TMPRSS15: variants seen among roughly 807,000 people sequenced by gnomAD.
TMPRSS15 encodes transmembrane serine protease 15.
A neutral mutation model predicts 125.3 loss-of-function variants in TMPRSS15; 128 were observed. The ratio of observed to expected loss-of-function variants is 1.02; its 90% confidence interval spans 0.89 to 1.18. The LOEUF is 1.18. Ranked by LOEUF, TMPRSS15 falls within the 50% of genes most tolerant of loss-of-function variation. The probability of loss-of-function intolerance (pLI) is 0.00; values close to 1 mark genes in which losing one functional copy is unlikely to be tolerated. For synonymous variants in TMPRSS15, 446 were observed against 423.2 expected (o/e 1.05, Z -0.66); for missense variants, 1,283 against 1,212.7 (o/e 1.06, Z -0.86).
chr21:18,401,086 T>C (rs1220598461), intron 1 of TMPRSS15, among the ~76,000 whole-genome samples: 7 of 152,210 alleles, frequency 4.6e-5, no homozygotes, highest in Non-Finnish European at 8.8e-5. Context: ...ACAACAGATG[T>C]TGACAAGGCT....
chr21:18,389,095 AAAG>A (rs1449571215), intron 3 of TMPRSS15, among the ~76,000 whole-genome samples: 1 of 151,728 alleles, frequency 6.6e-6, no homozygotes, highest in East Asian at 1.9e-4. Flanking sequence ...AGAAAGAAAG[AAAG>A]AAGAAAAAAA....
rs752446150 is a variant in TMPRSS15, at chr21:18,282,768, T to TATC, written c.2487-1550_2487-1548dup. Among the ~76,000 whole-genome samples, 120 of 152,274 alleles carry TATC rather than the reference T, an allele frequency of 7.9e-4. 1 individual carries two copies. Among genetic ancestry groups the TATC allele is most frequent in the Middle Eastern group, 3.4e-3 (1 of 294 alleles). ...CAATGGGAACAAACTAGGCGCTGAT[T>TATC]ATCTAAATGGTAGGAGGTGACTTTA... On this transcript the variant is annotated intron_variant, in intron 21 of 24. Transcript: ENST00000284885.
At chr21:18,384,798 T>G (rs1224305596) in intron 3 of TMPRSS15, among the ~76,000 whole-genome samples, 1 of 152,226 alleles carries the variant, frequency 6.6e-6, no homozygotes, top group Non-Finnish European at 1.5e-5. Context: ...AGTTATATAT[T>G]CTTGTGATAT....
intron 14 of TMPRSS15, among the ~76,000 whole-genome samples, chr21:18,330,579 G>T (rs1183392681): frequency 6.6e-6 from 1 of 152,108 alleles, no homozygotes; most frequent in Non-Finnish European, 1.5e-5. Flanking sequence ...TTTTGTGCCT[G>T]ACAACATATC....
chr21:18,316,539 A>T (rs561207992), intron 16 of TMPRSS15, among the ~76,000 whole-genome samples: 26 of 152,318 alleles, frequency 1.7e-4, no homozygotes, highest in African/African-American at 6.3e-4. Flanking sequence ...GTAATGTGAA[A>T]AGAAGTTGAG....
intron 12 of TMPRSS15, among the ~76,000 whole-genome samples, chr21:18,341,902 C>A (rs777727956): frequency 2.0e-5 from 3 of 152,192 alleles, no homozygotes; most frequent in Non-Finnish European, 2.9e-5. Flanking sequence ...CAGGAGAAAG[C>A]AATTTTCTCC....
At chr21:18,433,758 A>G (rs1361794648) in intron 1 of TMPRSS15, among the ~76,000 whole-genome samples, 1 of 151,798 alleles carries the variant, frequency 6.6e-6, no homozygotes, top group East Asian at 1.9e-4. Context: ...ATGTTCAGAT[A>G]TACCTTCTAG....
At chr21:18,465,176 T>C (rs1251145432) in intron 1 of TMPRSS15, among the ~76,000 whole-genome samples, 2 of 152,086 alleles carry the variant, frequency 1.3e-5, no homozygotes, top group African/African-American at 4.8e-5. Flanking sequence ...ATTATCTCAA[T>C]AGATGCAGAA....
intron 1 of TMPRSS15, among the ~76,000 whole-genome samples, chr21:18,450,724 T>C (rs2076266485): frequency 6.6e-6 from 1 of 152,332 alleles, no homozygotes; most frequent in African/African-American, 2.4e-5. Context: ...GTCAGTATTC[T>C]TCTGGAATGC....
At chr21:18,445,392 G>A (rs2076253326) in intron 1 of TMPRSS15, among the ~76,000 whole-genome samples, 1 of 151,960 alleles carries the variant, frequency 6.6e-6, no homozygotes, top group African/African-American at 2.4e-5. Flanking sequence ...AGCTGGCCAG[G>A]CTGGTCTCAA....
At chr21:18,389,954 T>A (rs952563443) in intron 3 of TMPRSS15, among the ~76,000 whole-genome samples, 3 of 152,236 alleles carry the variant, frequency 2.0e-5, no homozygotes, top group African/African-American at 7.2e-5. Context: ...CCCCTATGAC[T>A]TTAATTTGGC....
chr21:18,392,110 T>C (rs140720090), intron 3 of TMPRSS15, among the ~76,000 whole-genome samples: 308 of 152,320 alleles, frequency 2.0e-3, no homozygotes, highest in African/African-American at 7.0e-3. Context: ...GAGGTCCTGC[T>C]ATGAAGAACT....
chr21:18,461,901 T>C (rs2122952873), intron 1 of TMPRSS15, among the ~76,000 whole-genome samples: 2 of 152,164 alleles, frequency 1.3e-5, no homozygotes, highest in African/African-American at 2.4e-5. Context: ...TTTCTTTCTA[T>C]GTCTTTGGTT....
chr21:18,305,322 G>A (rs1261974825), intron 18 of TMPRSS15, among the ~76,000 whole-genome samples: 1 of 151,376 alleles, frequency 6.6e-6, no homozygotes, highest in Non-Finnish European at 1.5e-5. Context: ...CCGAGTAGCT[G>A]GGACTACAGG....
chr21:18,329,209 AACT>A lies in TMPRSS15; in HGVS notation c.1737_1739del (p.Val580del), dbSNP rs1254102812. ...CAGCTTCTTCACCATCTCTTATTTC[AACT>A]ACATCGTTAATATTTTCTAAGTCAA... On this transcript the variant is annotated inframe_deletion, in exon 15 of 25. Coordinates refer to ENST00000284885, the MANE Select transcript of TMPRSS15 (RefSeq NM_002772.3). 1.9e-6 allele frequency: 3 copies of A among 1,612,580 alleles called. No individual in the cohort carries two copies. In the Admixed American group the frequency reaches 5.0e-5, roughly 27 times the overall value.
chr21:18,485,335 G>T (rs929038870), intron 1 of TMPRSS15, among the ~76,000 whole-genome samples: 2 of 151,590 alleles, frequency 1.3e-5, no homozygotes, highest in East Asian at 1.9e-4. Flanking sequence ...TATTAGCTAA[G>T]ACCCTCAGTT....
At chr21:18,422,309 T>C (rs2076193997) in intron 1 of TMPRSS15, among the ~76,000 whole-genome samples, 1 of 151,990 alleles carries the variant, frequency 6.6e-6, no homozygotes, top group Non-Finnish European at 1.5e-5. Flanking sequence ...TTACTCTTAA[T>C]GAAAAATAAA....
intron 1 of TMPRSS15, among the ~76,000 whole-genome samples, chr21:18,469,536 C>T (rs1978736101): frequency 6.6e-6 from 1 of 151,964 alleles, no homozygotes; most frequent in African/African-American, 2.4e-5. Context: ...AGATAATTCC[C>T]CTCTGGTTTA....
chr21:18,454,347 T>C (rs1978398601), intron 1 of TMPRSS15, among the ~76,000 whole-genome samples: 1 of 152,124 alleles, frequency 6.6e-6, no homozygotes, highest in Admixed American at 6.6e-5. Flanking sequence ...AAGTATTTTC[T>C]TTTGCCCCGA....
Sources: gnomAD v4.1 joint callset for allele counts (sites outside exome capture counted in the v4.1 genomes callset) on GRCh38, gnomAD v4.1.1 for gene constraint, MANE v1.5 for transcripts, NCBI Gene and HGNC (gene_info 2026-07-23, HGNC 2026-07-21) for gene names.